OCIAD2: variants seen among roughly 807,000 people sequenced by gnomAD.
The protein encoded by OCIAD2 is OCIA domain-containing protein 2.
OCIAD2 carries 29 observed loss-of-function variants against 22.9 expected under a neutral mutation model. The ratio of observed to expected loss-of-function variants is 1.27; its 90% confidence interval spans 0.94 to 1.73. The LOEUF (loss-of-function observed/expected upper bound fraction) is 1.73, where lower values mean the gene tolerates loss of function less well. Ranked by LOEUF, OCIAD2 falls within the 40% of genes most tolerant of loss-of-function variation. The probability of loss-of-function intolerance (pLI) is 0.00; values close to 1 mark genes in which losing one functional copy is unlikely to be tolerated. For missense variants in OCIAD2, 189 were observed against 180.3 expected (o/e 1.05, Z -0.28); for synonymous variants, 67 against 60.2 (o/e 1.11, Z -0.52).
At chr4:48,902,059 G>A (rs546730374) in intron 2 of OCIAD2, among the ~76,000 whole-genome samples, 26 of 152,174 alleles carry the variant, frequency 1.7e-4, no homozygotes, top group African/African-American at 5.8e-4. Context: ...GAGTCACCAT[G>A]CCTAGCCCCA....
At chr4:48,894,741 CT>C (rs993074896) in intron 4 of OCIAD2, among the ~76,000 whole-genome samples, 3 of 152,040 alleles carry the variant, frequency 2.0e-5, no homozygotes, top group African/African-American at 7.2e-5. Flanking sequence ...ACCCTCTTTT[CT>C]TTTTAAGTAA....
At chr4:48,893,927 C>T (rs1781239266) in intron 5 of OCIAD2, 79 bp downstream of exon 5, 1 of 785,206 alleles carries the variant, frequency 1.3e-6, no homozygotes, top group Non-Finnish European at 2.0e-6. Flanking sequence ...AGCAATCTAC[C>T]CACCTCAGCC....
chr4:48,900,358 T>C (rs1781389375), intron 2 of OCIAD2, among the ~76,000 whole-genome samples: 1 of 152,166 alleles, frequency 6.6e-6, no homozygotes, highest in African/African-American at 2.4e-5. Flanking sequence ...GCACAATATT[T>C]AGACATTGAG....
At chr4:48,892,725 AT>A in intron 6 of OCIAD2, 46 bp downstream of exon 6, 1 of 926,836 alleles carries the variant, frequency 1.1e-6, no homozygotes, top group Non-Finnish European at 1.6e-6. Context: ...CTTTCATTTA[AT>A]TTCTTATAAT....
chr4:48,886,894 T>C (rs1362388172), intron 6 of OCIAD2, among the ~76,000 whole-genome samples: 2 of 152,228 alleles, frequency 1.3e-5, no homozygotes, highest in Non-Finnish European at 2.9e-5. Context: ...TTTCTAGTTC[T>C]AGATCCCGGA....
intron 4 of OCIAD2, among the ~76,000 whole-genome samples, chr4:48,896,840 G>A (rs573281285): frequency 3.1e-4 from 47 of 152,296 alleles, no homozygotes; most frequent in African/African-American, 1.1e-3. Context: ...AAGATAAGGT[G>A]CCTTCTTGCC....
At chr4:48,894,488 A>C (rs1363925887) in intron 4 of OCIAD2, among the ~76,000 whole-genome samples, 1 of 152,126 alleles carries the variant, frequency 6.6e-6, no homozygotes, top group Non-Finnish European at 1.5e-5. Context: ...GCGAGACTCC[A>C]TCTCAAAAAA....
In OCIAD2 at chr4:48,892,886, G is replaced by A. The variant is rs1781209305; in HGVS notation, c.269C>T (p.Ala90Val). The A allele has an allele frequency of 1.3e-6, 2 of 1,553,684 alleles. No individual in the cohort carries two copies. The highest frequency in any genetic ancestry group is 2.7e-5 in the African/African-American group (2 of 73,362). The change falls in exon 6 of 7, where the codon GCT (alanine) becomes GTT (valine). Residue 90 changes from alanine to valine, a missense_variant. Ala to Val is a moderately conservative substitution (Grantham distance 64). Coordinates refer to ENST00000508632, the MANE Select transcript of OCIAD2 (RefSeq NM_001014446.3). The stretch of plus-strand genomic sequence containing the variant: ...TCCAAGGCCAAATCCCAAGAGACCA[G>A]CAACTGTAAAAGCAGGTTGGGAGAG... ...RFGSLPKVAL[A>V]GLLGFGLGKV...
Position 48,897,806 on chromosome 4 carries a change from T to G in OCIAD2, c.215A>C (p.Gln72Pro). 1.2e-6 allele frequency: 2 copies of G among 1,608,608 alleles called. No homozygotes were observed. The highest frequency in any genetic ancestry group is 1.7e-6 in the Non-Finnish European group (2 of 1,175,126). The change falls in exon 4 of 7, where the codon CAA becomes CCA. Residue 72 changes from glutamine (Q) to proline (P), a missense_variant and splice_region_variant. Gln to Pro is a moderately conservative substitution (Grantham distance 76, BLOSUM62 -1). Coordinates refer to ENST00000508632, the MANE Select transcript of OCIAD2 (RefSeq NM_001014446.3). ...SMLVTQGLVYQGYLAANSRFG... is the reference protein window; with the variant it reads ...SMLVTQGLVYPGYLAANSRFG... ...ATTTAACAAATATTGAATCTTACCT[T>G]GGTAGACTAGTCCCTGGGTGACAAG...
At chr4:48,888,331 T>C (rs1781055183) in intron 6 of OCIAD2, among the ~76,000 whole-genome samples, 1 of 152,174 alleles carries the variant, frequency 6.6e-6, no homozygotes, top group South Asian at 2.1e-4. Flanking sequence ...CCTTTATTTC[T>C]TTCTCCTGCC....
chr4:48,887,901 G>C (rs1289113422), intron 6 of OCIAD2, among the ~76,000 whole-genome samples: 2 of 152,082 alleles, frequency 1.3e-5, no homozygotes, highest in Non-Finnish European at 2.9e-5. Flanking sequence ...TGATGGGGAT[G>C]GCATTGAATC....
chr4:48,896,900 G>A (rs558870091), intron 4 of OCIAD2, among the ~76,000 whole-genome samples: 1 of 152,322 alleles, frequency 6.6e-6, no homozygotes, highest in South Asian at 2.1e-4. Context: ...GTGGAGACAG[G>A]GAGGAGATGA....
chr4:48,886,286 T>G (rs529109137), intron 6 of OCIAD2, among the ~76,000 whole-genome samples: 4 of 152,190 alleles, frequency 2.6e-5, no homozygotes, highest in Admixed American at 2.6e-4. Context: ...TTGATCTATA[T>G]CTCCTGTTTT....
rs1370069112 is a variant in OCIAD2, at chr4:48,889,964, G to T, written c.383+2808C>A. Among the ~76,000 whole-genome samples the T allele has an allele frequency of 2.2e-4, 34 of 152,138 alleles. 1 individual carries two copies. Among genetic ancestry groups the T allele is most frequent in the Non-Finnish European group, 5.9e-5 (4 of 68,042 alleles). ...AGCTCATGTCCTTTGCAGGGACACG[G>T]ATGAAACTGGAAACCATCATTCTCA... is the stretch of plus-strand genomic sequence containing the variant. On this transcript the variant is annotated intron_variant, in intron 6 of 6. Transcript: ENST00000508632.
chr4:48,903,490 A>G (rs1257989464), intron 2 of OCIAD2, among the ~76,000 whole-genome samples: 4 of 152,086 alleles, frequency 2.6e-5, no homozygotes, highest in African/African-American at 9.7e-5. Flanking sequence ...AAATGAAAGG[A>G]TAAATAAAAA....
At chr4:48,893,093 G>A (rs1218890791) in intron 5 of OCIAD2, 2 of 423,696 alleles carry the variant, frequency 4.7e-6, no homozygotes, top group African/African-American at 4.1e-5. Flanking sequence ...ACTGGTGGTG[G>A]AAGGGCCAGG....
At chr4:48,897,973 T>C (rs371085062) in intron 3 of OCIAD2, 116 bp from the exon 4 acceptor site, 6 of 722,490 alleles carry the variant, frequency 8.3e-6, no homozygotes, top group African/African-American at 3.6e-5. Context: ...TGAATTTTTA[T>C]TCATTTGTTA....
Position 48,904,509 on chromosome 4 carries a change from G to T in OCIAD2, c.41C>A (p.Ala14Asp), listed in dbSNP as rs1388751049. ...ASARGNQDKD[A>D]HFPPPSKQSL... ...CTGCTTGCTTGGTGGTGGAAAATGG[G>T]CATCTTTATCTTGGTTTCCACGAGC... Residue 14 changes from alanine to aspartate, a missense_variant, in exon 2 of 7, where the codon GCC becomes GAC. Physicochemically the swap from Ala to Asp is moderately radical, Grantham distance 126. Transcript: ENST00000508632. 6.2e-7 allele frequency: 1 copy of T among 1,614,004 alleles called. No individual in the cohort carries two copies. Among genetic ancestry groups the T allele is most frequent in the Admixed American group, 1.7e-5 (1 of 60,018 alleles).
In OCIAD2 at chr4:48,885,350, G is replaced by A. The variant is rs554144275; in HGVS notation, c.*134C>T. 9 of 694,230 alleles carry A rather than the reference G, an allele frequency of 1.3e-5. No individual in the cohort carries two copies. Among genetic ancestry groups the A allele is most frequent in the African/African-American group, 3.6e-5 (2 of 56,000 alleles). 43.0% of individuals were successfully genotyped at this position (694,230 alleles called of 1,614,324 possible). ...CTTAGTTCACTTGAAAGCCTTCCAC[G>A]GAATACATTTCAGTGAGTGACAGAC... On this transcript the variant is annotated 3_prime_UTR_variant, in exon 7 of 7. Transcript: ENST00000508632.
Sources: gnomAD v4.1 joint callset for allele counts (sites outside exome capture counted in the v4.1 genomes callset) on GRCh38, gnomAD v4.1.1 for gene constraint, MANE v1.5 for transcripts, NCBI Gene and HGNC (gene_info 2026-07-23, HGNC 2026-07-21) for gene names.